CTTNBP2NL: variants seen among roughly 807,000 people sequenced by gnomAD.
The protein encoded by CTTNBP2NL is CTTNBP2 N-terminal like, also known as CTTNBP2 N-terminal-like protein.
A neutral mutation model predicts 32.5 loss-of-function variants in CTTNBP2NL; 16 were observed. The ratio of observed to expected loss-of-function variants is 0.49; its 90% confidence interval spans 0.33 to 0.75. The LOEUF (loss-of-function observed/expected upper bound fraction) is 0.75. CTTNBP2NL is among the 30% of genes least tolerant of loss of function. The pLI, the probability that CTTNBP2NL is intolerant of heterozygous loss-of-function variation, is 0.02. For synonymous variants in CTTNBP2NL, 298 were observed against 289.4 expected (o/e 1.03, Z -0.30); for missense variants, 645 against 756.0 (o/e 0.85, Z 1.72).
chr1:112,409,502 T>A (rs1194988273), intron 1 of CTTNBP2NL, among the ~76,000 whole-genome samples: 1 of 152,172 alleles, frequency 6.6e-6, no homozygotes, highest in East Asian at 1.9e-4. Flanking sequence ...TTTTCCTACC[T>A]TATGTGGAAA....
chr1:112,412,331 CT>C lies in CTTNBP2NL; in HGVS notation c.-10+15del, dbSNP rs1451759219. On this transcript the variant is annotated intron_variant, in intron 2 of 5. Coordinates refer to ENST00000271277, the MANE Select transcript of CTTNBP2NL (RefSeq NM_018704.3). ...GCCGATTATCAGGTCAGTATCACCCCTACCTCCAAGGATATCACTGCTATCC... is the reference window on the plus strand; with the variant it reads ...GCCGATTATCAGGTCAGTATCACCCCACCTCCAAGGATATCACTGCTATCC... 1.3e-5 allele frequency: 2 copies of C among 152,168 alleles called. No homozygotes were observed. The highest frequency in any genetic ancestry group is 4.8e-5 in the African/African-American group (2 of 41,434). The allele number at this position is 152,168 out of a possible 1,614,324, so 9.4% of individuals were successfully genotyped here. A position where few individuals can be genotyped will look rare whatever the true frequency, so the allele number is the denominator to read the frequency against.
chr1:112,427,378 C>T (rs991892792), intron 3 of CTTNBP2NL, among the ~76,000 whole-genome samples: 1 of 152,132 alleles, frequency 6.6e-6, no homozygotes, highest in African/African-American at 2.4e-5. Flanking sequence ...AATAAGTAAA[C>T]ATAGTATTGC....
chr1:112,445,781 G>A (rs1391399124), intron 3 of CTTNBP2NL, among the ~76,000 whole-genome samples: 1 of 152,102 alleles, frequency 6.6e-6, no homozygotes, highest in Admixed American at 6.5e-5. Flanking sequence ...ATAACTCTGT[G>A]GTGCTTATTA....
upstream of CTTNBP2NL, among the ~76,000 whole-genome samples, chr1:112,392,439 T>G (rs1648209726): frequency 6.6e-6 from 1 of 152,234 alleles, no homozygotes; most frequent in Non-Finnish European, 1.5e-5. Context: ...TTCCACTACT[T>G]TCATGCCTTT....
At chr1:112,430,023 A>G (rs1649512921) in intron 3 of CTTNBP2NL, among the ~76,000 whole-genome samples, 1 of 152,142 alleles carries the variant, frequency 6.6e-6, no homozygotes, top group Admixed American at 6.5e-5. Flanking sequence ...AAAAGGGCCA[A>G]AAGGTACAGG....
chr1:112,444,989 A>G lies in CTTNBP2NL; in HGVS notation c.100-3953A>G, dbSNP rs550476575. ...ATGATGGTGTGTCACTTCCAAGATT[A>G]GGTTATAAAAGACATTGGGACTTCC... On this transcript the variant is annotated intron_variant, in intron 3 of 5. Transcript: ENST00000271277. Among the ~76,000 whole-genome samples the G allele has an allele frequency of 2.1e-3, 326 of 152,312 alleles. 2 individuals are homozygous for G. The highest frequency in any genetic ancestry group is 3.7e-3 in the Non-Finnish European group (249 of 68,024).
chr1:112,422,300 C>T (rs114443492), intron 3 of CTTNBP2NL, among the ~76,000 whole-genome samples: 2,518 of 152,192 alleles, frequency 0.017, 73 homozygotes, highest in African/African-American at 0.057. Flanking sequence ...TTATTCATGT[C>T]GTTGTGTATA....
chr1:112,408,093 G>A (rs532720999), intron 1 of CTTNBP2NL, among the ~76,000 whole-genome samples: 20 of 151,336 alleles, frequency 1.3e-4, no homozygotes, highest in Admixed American at 2.0e-4. Flanking sequence ...GTGATTTGCC[G>A]GCCTCAGCCT....
In CTTNBP2NL at chr1:112,407,840, C is replaced by CTTTTTTTTTTTT. The variant is rs869134559; in HGVS notation, c.-133-4343_-133-4332dup. ...ACAAAAACGGCTTTCTTTTTTCTTTCTTTTTTTTTTTTTTTTTTTTTTGAG... is the reference window on the plus strand; with the variant it reads ...ACAAAAACGGCTTTCTTTTTTCTTTCTTTTTTTTTTTTTTTTTTTTTTTTTTTTTTTTTTGAG... On this transcript the variant is annotated intron_variant, in intron 1 of 5. Coordinates refer to ENST00000271277, the MANE Select transcript of CTTNBP2NL (RefSeq NM_018704.3). Among the ~76,000 whole-genome samples the CTTTTTTTTTTTT allele has an allele frequency of 8.6e-4, 83 of 96,070 alleles. 1 individual carries two copies. The highest frequency in any genetic ancestry group is 1.2e-3 in the Admixed American group (9 of 7,388). 63.0% of individuals were successfully genotyped at this position (96,070 alleles called of 152,430 possible).
At chr1:112,419,258 G>A (rs939355289) in intron 3 of CTTNBP2NL, among the ~76,000 whole-genome samples, 1 of 152,096 alleles carries the variant, frequency 6.6e-6, no homozygotes, top group Admixed American at 6.6e-5. Flanking sequence ...TAGAGTATGA[G>A]ATTATGTAAT....
chr1:112,425,956 C>CGTGTGTGTGTGTGTGTGT (rs376135147), intron 3 of CTTNBP2NL, among the ~76,000 whole-genome samples: 2 of 119,660 alleles, frequency 1.7e-5, no homozygotes, highest in African/African-American at 6.0e-5. Flanking sequence ...ATCTGGATGC[C>CGTGTGTGTGTGTGTGTGT]GTGTGTGTGT....
chr1:112,457,144 C>T lies in CTTNBP2NL; in HGVS notation c.1652C>T (p.Thr551Ile), dbSNP rs959200831. Residue 551 changes from threonine (T) to isoleucine (I), a missense_variant, in exon 6 of 6, where the codon ACT (threonine) becomes ATT (isoleucine). By Grantham distance (89) the Thr-to-Ile change is moderately conservative. Coordinates refer to ENST00000271277, the MANE Select transcript of CTTNBP2NL (RefSeq NM_018704.3). ...NPRGDTSHSP[T>I]PGKVSSPLSP... is the part of the protein sequence containing the mutation. Reference sequence around the variant, plus strand: ...AGAGGTGACACAAGCCATTCACCTACTCCAGGGAAAGTGTCCAGTCCCCTG... The same window carrying T: ...AGAGGTGACACAAGCCATTCACCTATTCCAGGGAAAGTGTCCAGTCCCCTG... 1 of 1,614,084 alleles carries T rather than the reference C, an allele frequency of 6.2e-7. No homozygotes were observed. The highest frequency in any genetic ancestry group is 1.3e-5 in the African/African-American group (1 of 74,924).
chr1:112,427,852 C>T lies in CTTNBP2NL; in HGVS notation c.99+11588C>T, dbSNP rs76298692. 3.3e-3 allele frequency among the ~76,000 whole-genome samples: 494 copies of T among 150,436 alleles called. 23 individuals carry two copies. In the East Asian group the frequency reaches 0.081, roughly 25 times the overall value. On this transcript the variant is annotated intron_variant, in intron 3 of 5. Coordinates refer to ENST00000271277, the MANE Select transcript of CTTNBP2NL (RefSeq NM_018704.3). The stretch of plus-strand genomic sequence containing the variant: ...CAGAGGTTGCAGTGAGCCGAGATCG[C>T]GCCACTGCACCCCAGCCTGGGGGAC...
At chr1:112,441,977 A>G (rs1054144514) in intron 3 of CTTNBP2NL, among the ~76,000 whole-genome samples, 1 of 152,180 alleles carries the variant, frequency 6.6e-6, no homozygotes, top group Non-Finnish European at 1.5e-5. Flanking sequence ...ACTTTCTTCA[A>G]CTGGAACAAA....
intron 5 of CTTNBP2NL, 66 bp from the exon 6 acceptor site, chr1:112,455,865 A>G (rs886118188): frequency 3.4e-6 from 4 of 1,176,358 alleles, no homozygotes; most frequent in African/African-American, 3.1e-5. Context: ...ACCAGAGAAC[A>G]GCTAACGAAG....
At chr1:112,414,072 AAAAG>A (rs1330774206) in intron 2 of CTTNBP2NL, among the ~76,000 whole-genome samples, 1 of 148,846 alleles carries the variant, frequency 6.7e-6, no homozygotes, top group East Asian at 2.0e-4. Context: ...AATAAAAAGA[AAAAG>A]AAAAAAAGGC....
At chr1:112,433,361 A>G (rs757552775) in intron 3 of CTTNBP2NL, among the ~76,000 whole-genome samples, 7 of 152,210 alleles carry the variant, frequency 4.6e-5, no homozygotes, top group Admixed American at 1.3e-4. Context: ...TGGGAGGCCA[A>G]GGTGGGTGGA....
intron 3 of CTTNBP2NL, among the ~76,000 whole-genome samples, chr1:112,441,396 T>C (rs1194564824): frequency 6.6e-6 from 1 of 152,240 alleles, no homozygotes. Flanking sequence ...TTCCTTTTTA[T>C]TGCTGTCTAG....
intron 3 of CTTNBP2NL, among the ~76,000 whole-genome samples, chr1:112,425,092 G>A (rs1649353368): frequency 1.3e-5 from 2 of 151,570 alleles, no homozygotes; most frequent in Admixed American, 6.6e-5. Flanking sequence ...CCCTCCCAAA[G>A]TGCTGGGATT....
Sources: allele counts gnomAD v4.1 joint callset (sites outside exome capture counted in the v4.1 genomes callset), GRCh38; gene constraint gnomAD v4.1.1; transcripts MANE v1.5; gene names NCBI Gene and HGNC (gene_info 2026-07-23, HGNC 2026-07-21).